SFXN1: variants seen among roughly 807,000 people sequenced by gnomAD.
SFXN1 encodes the protein sideroflexin-1.
A neutral mutation model predicts 39.5 loss-of-function variants in SFXN1; 32 were observed. That is an observed-to-expected ratio of 0.81 (90% CI 0.61 to 1.09). The LOEUF is 1.09. Ranked by LOEUF, SFXN1 falls within the 50% of genes least tolerant of loss-of-function variation. SFXN1 has a pLI of 0.00. For synonymous variants in SFXN1, 136 were observed against 146.5 expected, an observed-to-expected ratio of 0.93 and a Z score of 0.52; for missense variants, 402 against 407.1, an observed-to-expected ratio of 0.99 and a Z score of 0.11.
intron 8 of SFXN1, among the ~76,000 whole-genome samples, chr5:175,520,019 A>G (rs1288528139): frequency 6.6e-6 from 1 of 151,432 alleles, no homozygotes; most frequent in East Asian, 1.9e-4. Flanking sequence ...ACAGGCATGT[A>G]CCACCATGCC....
At chr5:175,518,516 CATT>C (rs1409598046) in intron 8 of SFXN1, among the ~76,000 whole-genome samples, 1 of 152,168 alleles carries the variant, frequency 6.6e-6, no homozygotes, top group African/African-American at 2.4e-5. Flanking sequence ...GCGCAAGACA[CATT>C]GTTAAAATAC....
chr5:175,484,720 G>A (rs184357708), intron 1 of SFXN1, among the ~76,000 whole-genome samples: 7 of 152,222 alleles, frequency 4.6e-5, no homozygotes, highest in African/African-American at 1.4e-4. Flanking sequence ...GTGTCAGCGC[G>A]CTTGCTAGAC....
intron 1 of SFXN1, among the ~76,000 whole-genome samples, chr5:175,489,521 T>G (rs1456262392): frequency 6.6e-6 from 1 of 152,196 alleles, no homozygotes; most frequent in African/African-American, 2.4e-5. Flanking sequence ...ACTTGATATA[T>G]TCTAATTCAA....
intron 2 of SFXN1, among the ~76,000 whole-genome samples, chr5:175,507,495 T>G (rs566862680): frequency 2.6e-5 from 4 of 152,302 alleles, no homozygotes; most frequent in Non-Finnish European, 5.9e-5. Flanking sequence ...CACATTTAGC[T>G]TCTAGAGGAG....
intron 2 of SFXN1, among the ~76,000 whole-genome samples, chr5:175,500,584 C>A (rs1760039004): frequency 6.6e-6 from 1 of 152,046 alleles, no homozygotes; most frequent in South Asian, 2.1e-4. Context: ...TCATTGTAAT[C>A]ATCAAAACCC....
chr5:175,527,915 AT>A lies in SFXN1; in HGVS notation c.*1203del, dbSNP rs879019439. The A allele has an allele frequency of 0.039, 4,692 of 121,106 alleles. 58 individuals are homozygous for A. Among genetic ancestry groups the A allele is most frequent in the African/African-American group, 0.091 (2,627 of 28,912 alleles). 7.5% of individuals were successfully genotyped at this position (121,106 alleles called of 1,614,324 possible). The stretch of plus-strand genomic sequence containing the variant: ...GAATTCAACCAAGTTTGGATGGAAA[AT>A]TTTTTTTTTTTTTTTTTTTTTGAGA... On this transcript the variant is annotated 3_prime_UTR_variant, in exon 11 of 11. Transcript: ENST00000321442.
chr5:175,485,744 A>C (rs1759426829), intron 1 of SFXN1, among the ~76,000 whole-genome samples: 1 of 152,210 alleles, frequency 6.6e-6, no homozygotes, highest in Non-Finnish European at 1.5e-5. Context: ...CATGGGTAAC[A>C]TGCAGTGGGC....
In SFXN1 at chr5:175,512,180, C is replaced by G; in HGVS notation, c.580C>G (p.Pro194Ala). The G allele has an allele frequency of 1.2e-6, 2 of 1,613,816 alleles. No homozygotes were observed. Among genetic ancestry groups the G allele is most frequent in the East Asian group, 4.5e-5 (2 of 44,890 alleles). The change falls in exon 6 of 11, where the codon CCA becomes GCA. Residue 194 changes from proline to alanine, a missense_variant. Pro to Ala is a conservative substitution (Grantham distance 27, BLOSUM62 -1). Coordinates refer to ENST00000321442, the MANE Select transcript of SFXN1 (RefSeq NM_022754.7). Reference sequence around the variant, plus strand: ...AGCTGCTGCTAATTGCATTAATATTCCATTAATGAGGCAAAGGTAAGACGA... The same window carrying G: ...AGCTGCTGCTAATTGCATTAATATTGCATTAATGAGGCAAAGGTAAGACGA... ...AVAAANCINIPLMRQRELKVG... is the reference protein window; with the variant it reads ...AVAAANCINIALMRQRELKVG...
intron 4 of SFXN1, 58 bp downstream of exon 4, chr5:175,510,265 G>A: frequency 7.4e-7 from 1 of 1,357,702 alleles, no homozygotes; most frequent in Non-Finnish European, 1.0e-6. Flanking sequence ...TTTATTAAGT[G>A]GTGATACTCT....
intron 2 of SFXN1, among the ~76,000 whole-genome samples, chr5:175,502,253 G>A (rs1009599720): frequency 2.6e-5 from 4 of 152,132 alleles, no homozygotes; most frequent in Non-Finnish European, 4.4e-5. Context: ...GAGACTGCAT[G>A]ACCCCTAAAC....
At chr5:175,520,129 A>G (rs1461759460) in intron 8 of SFXN1, among the ~76,000 whole-genome samples, 1 of 151,428 alleles carries the variant, frequency 6.6e-6, no homozygotes, top group Non-Finnish European at 1.5e-5. Context: ...CAGCCTCCCA[A>G]AGTGTTGGGA....
At chr5:175,490,855 A>G (rs903058146) in intron 1 of SFXN1, among the ~76,000 whole-genome samples, 1 of 150,882 alleles carries the variant, frequency 6.6e-6, no homozygotes, top group Non-Finnish European at 1.5e-5. Flanking sequence ...TAAGTGCAAA[A>G]AAAACAAGAT....
Position 175,529,292 on chromosome 5 carries a change from C to T in SFXN1, c.*2558C>T, listed in dbSNP as rs948472228. 2.0e-5 allele frequency: 3 copies of T among 151,256 alleles called. No homozygotes were observed. The highest frequency in any genetic ancestry group is 6.6e-5 in the Admixed American group (1 of 15,160). 9.4% of individuals were successfully genotyped at this position (151,256 alleles called of 1,614,324 possible). A position where few individuals can be genotyped will look rare whatever the true frequency, so the allele number is the denominator to read the frequency against. ...GCTGGAGGTTGCAGTGAGCCAAGATCGCACCATTGCACTCCAGCCTGGGCA... is the reference window on the plus strand; with the variant it reads ...GCTGGAGGTTGCAGTGAGCCAAGATTGCACCATTGCACTCCAGCCTGGGCA... On this transcript the variant is annotated 3_prime_UTR_variant, in exon 11 of 11. Coordinates refer to ENST00000321442, the MANE Select transcript of SFXN1 (RefSeq NM_022754.7).
intron 10 of SFXN1, chr5:175,525,713 A>G (rs1023435793): frequency 3.9e-5 from 6 of 152,042 alleles, no homozygotes; most frequent in African/African-American, 1.5e-4. Context: ...GGCTCGAGCA[A>G]CCCTCCTGCC....
intron 7 of SFXN1, among the ~76,000 whole-genome samples, chr5:175,515,002 G>A (rs1482507230): frequency 5.3e-5 from 8 of 152,134 alleles, no homozygotes; most frequent in Admixed American, 5.2e-4. Context: ...TTCTGCCCTG[G>A]GTTTGGTTTG....
chr5:175,483,390 T>TA lies in SFXN1; in HGVS notation c.-10+4752dup, dbSNP rs1759328427. ...CTCATACCCCACCAAAATTTCTTAA[T>TA]ACCGTTAAAATCCAAAAATTTCTTT... is the stretch of plus-strand genomic sequence containing the variant. On this transcript the variant is annotated intron_variant, in intron 1 of 10. Coordinates refer to ENST00000321442, the MANE Select transcript of SFXN1 (RefSeq NM_022754.7). 6.6e-5 allele frequency among the ~76,000 whole-genome samples: 10 copies of TA among 152,306 alleles called. No individual in the cohort carries two copies. The South Asian group carries it at 2.1e-3, about 32-fold the overall frequency.
At chr5:175,488,968 G>C (rs1759553256) in intron 1 of SFXN1, among the ~76,000 whole-genome samples, 2 of 152,260 alleles carry the variant, frequency 1.3e-5, no homozygotes, top group South Asian at 4.1e-4. Context: ...TTTGTTGCCT[G>C]TTTTCCTTTC....
intron 4 of SFXN1, chr5:175,510,457 A>T: frequency 2.2e-6 from 1 of 458,300 alleles, no homozygotes; most frequent in East Asian, 4.4e-5. Context: ...AGGTACTGGT[A>T]GGATGTTACC....
intron 1 of SFXN1, among the ~76,000 whole-genome samples, chr5:175,481,668 T>C (rs2113249157): frequency 6.6e-6 from 1 of 152,200 alleles, no homozygotes; most frequent in East Asian, 1.9e-4. Context: ...GGGGAGAACA[T>C]GGCAGTGGGA....
Sources: allele counts gnomAD v4.1 joint callset (sites outside exome capture counted in the v4.1 genomes callset), GRCh38; gene constraint gnomAD v4.1.1; transcripts MANE v1.5; gene names NCBI Gene and HGNC (gene_info 2026-07-23, HGNC 2026-07-21).